The following NCAM1 variants were observed in gnomAD, a reference collection of about 807,000 sequenced individuals.
The protein encoded by NCAM1 is antigen recognized by monoclonal antibody 5.1H11.
NCAM1 carries 14 observed loss-of-function variants against 109.8 expected under a neutral mutation model. The observed-to-expected ratio is 0.13, with a 90% CI of 0.08 to 0.20. The LOEUF is 0.20. Ranked by LOEUF, NCAM1 falls within the 10% of genes least tolerant of loss-of-function variation. The probability of loss-of-function intolerance (pLI) is 1.00; values close to 1 mark genes in which losing one functional copy is unlikely to be tolerated. For synonymous variants in NCAM1, 418 were observed against 442.9 expected (o/e 0.94, Z 0.70); for missense variants, 774 against 1,109.9 (o/e 0.70, Z 4.30).
At chr11:113,168,991 T>C (rs1477414691) in intron 1 of NCAM1, among the ~76,000 whole-genome samples, 1 of 152,048 alleles carries the variant, frequency 6.6e-6, no homozygotes, top group Non-Finnish European at 1.5e-5. Context: ...AATGTGCTTG[T>C]GTGCGTATTA....
intron 1 of NCAM1, among the ~76,000 whole-genome samples, chr11:113,126,208 C>A (rs1352720442): frequency 6.7e-6 from 1 of 149,728 alleles, no homozygotes; most frequent in Non-Finnish European, 1.5e-5. Flanking sequence ...TTAACAACAA[C>A]AAATAATAAT....
chr11:113,015,354 G>T (rs1161522112), intron 1 of NCAM1, among the ~76,000 whole-genome samples: 4 of 152,152 alleles, frequency 2.6e-5, no homozygotes, highest in African/African-American at 9.6e-5. Flanking sequence ...TTTGGACATA[G>T]ACCTGATTGA....
chr11:113,277,993 T>C lies in NCAM1; in HGVS notation c.*2606T>C, dbSNP rs2137837092. ...TTTAATTTTTGAAGGAGGGATCAAC[T>C]CCAGTTTCCAATGTCTATGTGTCTA... On this transcript the variant is annotated 3_prime_UTR_variant, in exon 20 of 20. Coordinates refer to ENST00000316851, the MANE Select transcript of NCAM1 (RefSeq NM_181351.5). 1 of 152,008 alleles carries C rather than the reference T, an allele frequency of 6.6e-6. No individual in the cohort carries two copies. The highest frequency in any genetic ancestry group is 1.9e-4 in the East Asian group (1 of 5,168). 9.4% of individuals were successfully genotyped at this position (152,008 alleles called of 1,614,324 possible). A position where few individuals can be genotyped will look rare whatever the true frequency, so the allele number is the denominator to read the frequency against.
chr11:113,105,053 T>C (rs1195561205), intron 1 of NCAM1, among the ~76,000 whole-genome samples: 1 of 152,246 alleles, frequency 6.6e-6, no homozygotes, highest in Non-Finnish European at 1.5e-5. Flanking sequence ...AGAGTACATG[T>C]TGAGGTCATT....
At chr11:112,998,137 A>G (rs370280903) in intron 1 of NCAM1, among the ~76,000 whole-genome samples, 3 of 152,242 alleles carry the variant, frequency 2.0e-5, no homozygotes, top group Non-Finnish European at 4.4e-5. Flanking sequence ...GTGCTCATAC[A>G]TATGCACATA....
chr11:113,237,485 C>A (rs1591446989), intron 14 of NCAM1, among the ~76,000 whole-genome samples: 1 of 152,194 alleles, frequency 6.6e-6, no homozygotes, highest in South Asian at 2.1e-4. Context: ...AACCAGCTCT[C>A]GAAGGCATCA....
chr11:113,164,616 G>A (rs542329728), intron 1 of NCAM1, among the ~76,000 whole-genome samples: 2 of 152,254 alleles, frequency 1.3e-5, no homozygotes, highest in African/African-American at 4.8e-5. Flanking sequence ...AAAGGATAAG[G>A]ATATTACAGA....
At chr11:113,090,836 A>G (rs1939310610) in intron 1 of NCAM1, among the ~76,000 whole-genome samples, 1 of 152,232 alleles carries the variant, frequency 6.6e-6, no homozygotes, top group South Asian at 2.1e-4. Flanking sequence ...TGTTCAGCAA[A>G]TGCTTACTAG....
intron 7 of NCAM1, among the ~76,000 whole-genome samples, chr11:113,210,378 A>T (rs569641574): frequency 4.5e-4 from 69 of 152,152 alleles, no homozygotes; most frequent in Non-Finnish European, 7.9e-4. Context: ...TCTGGATTCA[A>T]ACCGAGGCAG....
At chr11:113,185,062 T>G (rs1943458845) in intron 1 of NCAM1, among the ~76,000 whole-genome samples, 1 of 42,234 alleles carries the variant, frequency 2.4e-5, no homozygotes, top group African/African-American at 7.7e-5. Flanking sequence ...GTGTGTGCAT[T>G]TATATTTATA....
At chr11:113,203,943 T>G (rs1378341445) in intron 2 of NCAM1, among the ~76,000 whole-genome samples, 1 of 152,244 alleles carries the variant, frequency 6.6e-6, no homozygotes, top group Non-Finnish European at 1.5e-5. Context: ...TTACCCGTTG[T>G]GTGAGGCATG....
At chr11:113,043,261 T>C (rs1953140974) in intron 1 of NCAM1, among the ~76,000 whole-genome samples, 1 of 152,188 alleles carries the variant, frequency 6.6e-6, no homozygotes, top group Non-Finnish European at 1.5e-5. Flanking sequence ...TGGTCATCAA[T>C]ACAGACCACT....
intron 17 of NCAM1, among the ~76,000 whole-genome samples, chr11:113,266,414 T>C (rs1555124412): frequency 6.6e-6 from 1 of 152,174 alleles, no homozygotes; most frequent in East Asian, 1.9e-4. Context: ...CTTTGGGGCA[T>C]ACTCTTTGTT....
intron 5 of NCAM1, among the ~76,000 whole-genome samples, chr11:113,206,528 A>G (rs1453510256): frequency 6.6e-6 from 1 of 152,122 alleles, no homozygotes; most frequent in Admixed American, 6.5e-5. Context: ...ATGTTCAAAG[A>G]AAGTATTAAG....
chr11:113,118,637 C>T (rs1363032784), intron 1 of NCAM1, among the ~76,000 whole-genome samples: 1 of 151,858 alleles, frequency 6.6e-6, no homozygotes, highest in Non-Finnish European at 1.5e-5. Context: ...GTGCCTGGCC[C>T]GATTCGTGGC....
rs541960757 is a variant in NCAM1, at chr11:113,085,921, C to T, written c.53-116458C>T. 3.3e-5 allele frequency among the ~76,000 whole-genome samples: 5 copies of T among 152,316 alleles called. No individual in the cohort carries two copies. In the South Asian group the frequency reaches 8.3e-4, roughly 25 times the overall value. Reference sequence around the variant, plus strand: ...CTCATCTGGGGTTATGCCAACCTCCCTAATTATCTGCCTTATAAAAGCAGG... The same window carrying T: ...CTCATCTGGGGTTATGCCAACCTCCTTAATTATCTGCCTTATAAAAGCAGG... On this transcript the variant is annotated intron_variant, in intron 1 of 19. Transcript: ENST00000316851.
intron 1 of NCAM1, among the ~76,000 whole-genome samples, chr11:113,149,992 A>C (rs1942169622): frequency 6.6e-6 from 1 of 152,196 alleles, no homozygotes; most frequent in Non-Finnish European, 1.5e-5. Context: ...AAAAGTGAGA[A>C]TTTAAGAGGA....
chr11:113,146,092 C>T (rs1555101276), intron 1 of NCAM1, among the ~76,000 whole-genome samples: 3 of 152,190 alleles, frequency 2.0e-5, no homozygotes, highest in South Asian at 2.1e-4. Flanking sequence ...CTACCTACTT[C>T]AATGCCTCTA....
chr11:113,275,498 G>C lies in NCAM1; in HGVS notation c.*111G>C. On this transcript the variant is annotated 3_prime_UTR_variant, in exon 20 of 20. Transcript: ENST00000316851. ...CGCACGCACACACACAAACACACAT[G>C]CACACACACACATCTCATTTCTCTA... is the stretch of plus-strand genomic sequence containing the variant. The C allele has an allele frequency of 7.9e-7, 1 of 1,260,482 alleles. No homozygotes were observed. Among genetic ancestry groups the C allele is most frequent in the Non-Finnish European group, 1.1e-6 (1 of 915,212 alleles). 78.1% of individuals were successfully genotyped at this position (1,260,482 alleles called of 1,614,324 possible). A position where few individuals can be genotyped will look rare whatever the true frequency, so the allele number is the denominator to read the frequency against.
Sources: allele counts gnomAD v4.1 joint callset (sites outside exome capture counted in the v4.1 genomes callset), GRCh38; gene constraint gnomAD v4.1.1; transcripts MANE v1.5; gene names NCBI Gene and HGNC (gene_info 2026-07-23, HGNC 2026-07-21).